HNRNPUL1: variants seen among roughly 807,000 people sequenced by gnomAD.
The protein encoded by HNRNPUL1 is heterogeneous nuclear ribonucleoprotein U like 1, also known as heterogeneous nuclear ribonucleoprotein U-like protein 1.
A neutral mutation model predicts 108.5 loss-of-function variants in HNRNPUL1; 14 were observed. The ratio of observed to expected loss-of-function variants is 0.13; its 90% CI spans 0.09 to 0.20. The LOEUF is 0.20. Among genes scored for constraint, HNRNPUL1 ranks in the 10% least tolerant of loss-of-function variants. The pLI, the probability that HNRNPUL1 is intolerant of heterozygous loss-of-function variation, is 1.00. For missense variants in HNRNPUL1, 804 were observed against 1,168.3 expected (o/e 0.69, Z 4.55); for synonymous variants, 422 against 445.2 (o/e 0.95, Z 0.66).
In HNRNPUL1 at chr19:41,294,777, C is replaced by A; in HGVS notation, c.1518+91C>A. The A allele has an allele frequency of 2.0e-6, 3 of 1,493,778 alleles. No homozygotes were observed. Among genetic ancestry groups the A allele is most frequent in the Non-Finnish European group, 2.8e-6 (3 of 1,080,846 alleles). 92.5% of individuals were successfully genotyped at this position (1,493,778 alleles called of 1,614,324 possible). ...CCCTCTGGTCCCTTTCTTTTTTCCC[C>A]CGTAATGATGATGGACTGCTGTGCT... On this transcript the variant is annotated intron_variant, in intron 10 of 14. Transcript: ENST00000392006. This position sits in a 1 kb window ranked among gnomAD's most constrained non-coding sequence, Gnocchi z 4.3.
upstream of HNRNPUL1, among the ~76,000 whole-genome samples, chr19:41,263,430 C>T (rs958219939): frequency 1.3e-5 from 2 of 152,078 alleles, no homozygotes; most frequent in Non-Finnish European, 2.9e-5. Context: ...TTCTGGATGT[C>T]TTTCGGGAGG....
chr19:41,306,409 G>A (rs1201293417), intron 14 of HNRNPUL1, 40 bp from the exon 15 acceptor site: 7 of 1,408,004 alleles, frequency 5.0e-6, no homozygotes, highest in Non-Finnish European at 6.8e-6. Context: ...AATGTGTGGT[G>A]GATGCAGGAC....
At chr19:41,306,279 A>G (rs1444126761) in intron 14 of HNRNPUL1, among the ~76,000 whole-genome samples, 170 bp from the exon 15 acceptor site, 1 of 152,174 alleles carries the variant, frequency 6.6e-6, no homozygotes, top group Non-Finnish European at 1.5e-5. Context: ...CTAACTGCCT[A>G]CCTGTGTGGT....
chr19:41,269,930 T>TA (rs2035113706), intron 2 of HNRNPUL1, among the ~76,000 whole-genome samples: 1 of 151,432 alleles, frequency 6.6e-6, no homozygotes, highest in Admixed American at 6.6e-5. Flanking sequence ...CCTGTCTCTA[T>TA]AAAAAATAAA....
At chr19:41,304,871 A>G (rs941977370) in intron 13 of HNRNPUL1, among the ~76,000 whole-genome samples, 3 of 152,200 alleles carry the variant, frequency 2.0e-5, no homozygotes, top group South Asian at 2.1e-4. Context: ...CAGGAGACCA[A>G]TGGATGGTTC....
intron 13 of HNRNPUL1, among the ~76,000 whole-genome samples, chr19:41,305,180 C>T (rs555124505): frequency 3.9e-5 from 6 of 152,204 alleles, no homozygotes; most frequent in African/African-American, 1.4e-4. Flanking sequence ...GGGACCTACC[C>T]CTAGGTTCTA....
At chr19:41,280,152 G>T (rs2035818118) in intron 6 of HNRNPUL1, among the ~76,000 whole-genome samples, 1 of 152,150 alleles carries the variant, frequency 6.6e-6, no homozygotes, top group African/African-American at 2.4e-5. Context: ...ACAAGTGTTT[G>T]TTTAAAAAAT....
intron 1 of HNRNPUL1, among the ~76,000 whole-genome samples, chr19:41,265,510 C>T (rs770041741): frequency 6.6e-6 from 1 of 152,148 alleles, no homozygotes; most frequent in Non-Finnish European, 1.5e-5. Context: ...ACCCTTGAAG[C>T]AGGCACAGCC....
chr19:41,265,822 C>T (rs1443453759), intron 1 of HNRNPUL1, among the ~76,000 whole-genome samples: 1 of 150,940 alleles, frequency 6.6e-6, no homozygotes, highest in East Asian at 2.0e-4. Flanking sequence ...GTGTCCAGCA[C>T]AGGAGTACGT....
intron 4 of HNRNPUL1, among the ~76,000 whole-genome samples, chr19:41,275,627 C>T (rs964103901): frequency 2.6e-5 from 4 of 152,152 alleles, no homozygotes; most frequent in Non-Finnish European, 4.4e-5. Flanking sequence ...ATAAAGAACC[C>T]CAGTTCCTCT....
intron 10 of HNRNPUL1, among the ~76,000 whole-genome samples, chr19:41,300,905 T>C (rs1161661003): frequency 6.6e-6 from 1 of 152,150 alleles, no homozygotes; most frequent in Admixed American, 6.6e-5. Flanking sequence ...GAACCAATGT[T>C]AATAAGAACA....
At chr19:41,298,278 A>G (rs933488805) in intron 10 of HNRNPUL1, among the ~76,000 whole-genome samples, 1 of 152,172 alleles carries the variant, frequency 6.6e-6, no homozygotes, top group African/African-American at 2.4e-5. Context: ...CCCTTAGTCC[A>G]TGTCACAGGG....
At chr19:41,284,435 G>A (rs1423197381) in intron 7 of HNRNPUL1, among the ~76,000 whole-genome samples, 1 of 152,186 alleles carries the variant, frequency 6.6e-6, no homozygotes, top group Non-Finnish European at 1.5e-5. Context: ...GGAGGCCAAG[G>A]TGGGCAGATC....
chr19:41,279,355 G>A (rs2035770907), intron 6 of HNRNPUL1, among the ~76,000 whole-genome samples, 179 bp downstream of exon 6: 1 of 152,142 alleles, frequency 6.6e-6, no homozygotes, highest in South Asian at 2.1e-4. Flanking sequence ...TCAACTGAGA[G>A]GACTATGGTC....
At chr19:41,270,076 G>A (rs1339598974) in intron 2 of HNRNPUL1, among the ~76,000 whole-genome samples, 1 of 151,946 alleles carries the variant, frequency 6.6e-6, no homozygotes, top group Admixed American at 6.6e-5. Context: ...TCCGCCTCTC[G>A]GGTTCAAGCG....
intron 8 of HNRNPUL1, among the ~76,000 whole-genome samples, chr19:41,293,569 A>G (rs999643269): frequency 7.2e-5 from 11 of 152,210 alleles, no homozygotes; most frequent in Non-Finnish European, 1.6e-4. Context: ...GATACAATTC[A>G]TGTCCTTGTG....
intron 3 of HNRNPUL1, 107 bp from the exon 4 acceptor site, chr19:41,273,875 C>G (rs757244773): frequency 3.6e-6 from 3 of 834,904 alleles, no homozygotes; most frequent in African/African-American, 1.7e-5. Flanking sequence ...AATGGAGATT[C>G]AGGAAGCAGT....
At chr19:41,272,878 C>T (rs1410132182) in intron 3 of HNRNPUL1, among the ~76,000 whole-genome samples, 1 of 152,192 alleles carries the variant, frequency 6.6e-6, no homozygotes, top group Admixed American at 6.5e-5. Flanking sequence ...CTTCCCTTCC[C>T]TCCTTCCTTC....
At chr19:41,303,516 G>A (rs974329158) in intron 12 of HNRNPUL1, among the ~76,000 whole-genome samples, 6 of 151,986 alleles carry the variant, frequency 3.9e-5, no homozygotes, top group South Asian at 4.2e-4. Flanking sequence ...CACCACGCCC[G>A]GCTAATTTTG....
Sources: allele counts gnomAD v4.1 joint callset (sites outside exome capture counted in the v4.1 genomes callset), GRCh38; gene constraint gnomAD v4.1.1; non-coding constraint Gnocchi (gnomAD v3.1); transcripts MANE v1.5; gene names NCBI Gene and HGNC (gene_info 2026-07-23, HGNC 2026-07-21).